PCDHA1: variants seen among roughly 807,000 people sequenced by gnomAD.
The protein encoded by PCDHA1 is protocadherin alpha 1, also known as protocadherin alpha-1.
PCDHA1 carries 42 observed loss-of-function variants against 61.3 expected under a neutral mutation model. The ratio of observed to expected loss-of-function variants is 0.69; its 90% confidence interval spans 0.54 to 0.89. The LOEUF is 0.89. Ranked by LOEUF, PCDHA1 falls within the 40% of genes least tolerant of loss-of-function variation. PCDHA1 has a pLI of 0.00. For synonymous variants in PCDHA1, 610 were observed against 553.8 expected (o/e 1.10, Z -1.43); for missense variants, 1,256 against 1,235.3 (o/e 1.02, Z -0.25).
chr5:140,879,564 A>G (rs1232052888), intron 1 of PCDHA1, among the ~76,000 whole-genome samples: 2 of 152,254 alleles, frequency 1.3e-5, no homozygotes, highest in Non-Finnish European at 1.5e-5. Context: ...CCATGAAAGA[A>G]TAAAATTGCC....
Position 140,883,713 on chromosome 5 carries a change from C to G in PCDHA1, c.2394+95029C>G, listed in dbSNP as rs782438050. ...ATCTTCACGGTGTCTGCTCAGGACG[C>G]GGACGCACAGGAGAACGCGCTGGTC... On this transcript the variant is annotated intron_variant, in intron 1 of 3. Coordinates refer to ENST00000504120, the MANE Select transcript of PCDHA1 (RefSeq NM_018900.4). 2.5e-6 allele frequency: 4 copies of G among 1,613,520 alleles called. No homozygotes were observed. The East Asian group carries it at 8.9e-5, about 36-fold the overall frequency.
At chr5:140,793,743 A>G (rs1220728748) in intron 1 of PCDHA1, among the ~76,000 whole-genome samples, 1 of 152,212 alleles carries the variant, frequency 6.6e-6, no homozygotes, top group Non-Finnish European at 1.5e-5. Context: ...AAATTAACAA[A>G]AGAAGATATT....
chr5:140,853,543 A>G (rs2042787670), intron 1 of PCDHA1: 2 of 979,444 alleles, frequency 2.0e-6, no homozygotes, highest in Middle Eastern at 5.4e-4. Context: ...TTCAAGTTGT[A>G]ATTACTATAT....
chr5:140,916,242 T>A (rs1554197354), intron 1 of PCDHA1, among the ~76,000 whole-genome samples: 1 of 152,208 alleles, frequency 6.6e-6, no homozygotes, highest in Non-Finnish European at 1.5e-5. Flanking sequence ...AGCCAAAGCC[T>A]GGACTTGGGG....
At chr5:140,866,584 T>C (rs2049444092) in intron 1 of PCDHA1, 1 of 152,156 alleles carries the variant, frequency 6.6e-6, no homozygotes, top group Non-Finnish European at 1.5e-5. Context: ...GGTTGGATAA[T>C]GTAATTCTAA....
At chr5:140,821,800 C>A (rs2150110743) in intron 1 of PCDHA1, 25 of 1,613,116 alleles carry the variant, frequency 1.5e-5, no homozygotes, top group Non-Finnish European at 1.7e-5. Context: ...GAGAGGAAGT[C>A]TGGGATCCCG....
chr5:140,817,798 C>G (rs1766206298), intron 1 of PCDHA1, among the ~76,000 whole-genome samples: 1 of 152,052 alleles, frequency 6.6e-6, no homozygotes, highest in Non-Finnish European at 1.5e-5. Flanking sequence ...GGTAAAGAAA[C>G]CTTTACGTTT....
At chr5:140,823,177 C>T (rs2150123173) in intron 1 of PCDHA1, 4 of 1,613,900 alleles carry the variant, frequency 2.5e-6, no homozygotes, top group Non-Finnish European at 3.4e-6. Context: ...GGAGAACAAC[C>T]CGCCAGGCTG....
chr5:140,907,885 A>C (rs1554193167), intron 1 of PCDHA1, among the ~76,000 whole-genome samples: 1 of 152,210 alleles, frequency 6.6e-6, no homozygotes, highest in Admixed American at 6.5e-5. Flanking sequence ...CTCACATGGG[A>C]TACAAATATC....
At position 140,877,008 on chromosome 5, in the gene PCDHA1, G is replaced by A. The variant is rs368922456; in HGVS notation, c.2394+88324G>A. On this transcript the variant is annotated intron_variant, in intron 1 of 3. Coordinates refer to ENST00000504120, the MANE Select transcript of PCDHA1 (RefSeq NM_018900.4). Reference sequence around the variant, plus strand: ...TGTCGAGCTACGTGTCGGTGCACGCGGAGAGCGGCAAGGTGTACGCGCTGC... The same window carrying A: ...TGTCGAGCTACGTGTCGGTGCACGCAGAGAGCGGCAAGGTGTACGCGCTGC... 82 of 1,612,526 alleles carry A rather than the reference G, an allele frequency of 5.1e-5. No homozygotes were observed. The African/African-American group carries it at 9.3e-4, about 18-fold the overall frequency.
chr5:140,966,702 G>T, intron 1 of PCDHA1: 1 of 1,367,880 alleles, frequency 7.3e-7, no homozygotes. Flanking sequence ...GCCCGGGCGT[G>T]GGGCACGGCT....
intron 1 of PCDHA1, chr5:140,813,268 ACATTCTGAGAATTGTAT>A (rs1765258439): frequency 6.6e-6 from 1 of 152,222 alleles, no homozygotes; most frequent in Non-Finnish European, 1.5e-5. Flanking sequence ...CATTGGAGAT[ACATTCTGAGAATTGTAT>A]CATTCTGAGA....
chr5:140,834,619 T>C, intron 1 of PCDHA1: 1 of 1,614,188 alleles, frequency 6.2e-7, no homozygotes, highest in Non-Finnish European at 8.5e-7. Flanking sequence ...GAGGTAAATC[T>C]GCAGAATGGC....
At chr5:140,797,001 G>A (rs376318697) in intron 1 of PCDHA1, 7 of 1,613,590 alleles carry the variant, frequency 4.3e-6, no homozygotes, top group Non-Finnish European at 5.9e-6. Context: ...CCAAGGCCTC[G>A]TCGCGGGCGT....
chr5:140,938,679 T>C (rs574212689), intron 1 of PCDHA1, among the ~76,000 whole-genome samples: 1 of 152,302 alleles, frequency 6.6e-6, no homozygotes, highest in South Asian at 2.1e-4. Flanking sequence ...CCTAACATTT[T>C]CTTTACAGTT....
chr5:140,876,967 G>A (rs200960356), intron 1 of PCDHA1: 7 of 1,612,934 alleles, frequency 4.3e-6, no homozygotes, highest in African/African-American at 2.7e-5. Context: ...GGAGCGGCGG[G>A]TGGGCGAGCA....
intron 1 of PCDHA1, chr5:140,928,068 C>G: frequency 1.2e-6 from 2 of 1,614,214 alleles, no homozygotes; most frequent in South Asian, 2.2e-5. Context: ...CTTCCTTTGA[C>G]AACTACTACA....
chr5:140,957,281 T>A (rs1317654133), intron 1 of PCDHA1, among the ~76,000 whole-genome samples: 3 of 152,178 alleles, frequency 2.0e-5, no homozygotes, highest in Non-Finnish European at 2.9e-5. Flanking sequence ...CCCCCTTACC[T>A]GCAGTTTCAC....
In PCDHA1 at chr5:140,908,379, G is replaced by A. The variant is rs553504980; in HGVS notation, c.2395-70570G>A. Among the ~76,000 whole-genome samples the A allele has an allele frequency of 7.2e-5, 11 of 152,198 alleles. No individual in the cohort carries two copies. In the South Asian group the frequency reaches 1.2e-3, roughly 17 times the overall value. On this transcript the variant is annotated intron_variant, in intron 1 of 3. Coordinates refer to ENST00000504120, the MANE Select transcript of PCDHA1 (RefSeq NM_018900.4). ...TTACTTGTGCCTTCAGGACCTGCTC[G>A]AGCCCGATCACATATATACCACTTC...
Sources: gnomAD v4.1 joint callset for allele counts (sites outside exome capture counted in the v4.1 genomes callset) on GRCh38, gnomAD v4.1.1 for gene constraint, MANE v1.5 for transcripts, NCBI Gene and HGNC (gene_info 2026-07-23, HGNC 2026-07-21) for gene names.